Variants in LHCGR observed in about 807,000 individuals in gnomAD.
LHCGR encodes lutropin-choriogonadotropic hormone receptor.
Under a neutral mutation model 60.7 loss-of-function variants are expected in LHCGR, and 55 were observed. The observed-to-expected ratio is 0.91, with a 90% CI of 0.73 to 1.13. The LOEUF (loss-of-function observed/expected upper bound fraction) is 1.13. Among genes scored for constraint, LHCGR ranks in the 50% most tolerant of loss-of-function variants. LHCGR has a pLI of 0.00. For synonymous variants in LHCGR, 337 were observed against 316.5 expected (o/e 1.06, Z -0.69); for missense variants, 862 against 836.0 (o/e 1.03, Z -0.38).
At position 48,709,019 on chromosome 2, in the gene LHCGR, C is replaced by A. The variant is rs751799527; in HGVS notation, c.609G>T (p.Glu203Asp). 1.1e-5 allele frequency: 18 copies of A among 1,613,894 alleles called. No individual in the cohort carries two copies. Among genetic ancestry groups the A allele is most frequent in the Admixed American group, 3.3e-5 (2 of 60,034 alleles). ...AFNGTTLTSL[E>D]LKENVHLEKM... ...TCTCCAGATGTACGTTTTCCTTTAGCTCCCTGTGGGGAAGGATATTGCCCT... is the reference window on the plus strand; with the variant it reads ...TCTCCAGATGTACGTTTTCCTTTAGATCCCTGTGGGGAAGGATATTGCCCT... Residue 203 changes from glutamate to aspartate, a missense_variant, in exon 8 of 11, where the codon GAG (glutamate) becomes GAT (aspartate). By Grantham distance (45) the Glu-to-Asp change is conservative (BLOSUM62 2). Coordinates refer to ENST00000294954, the MANE Select transcript of LHCGR (RefSeq NM_000233.4).
chr2:48,728,829 C>T (rs1210937727), intron 3 of LHCGR, among the ~76,000 whole-genome samples: 1 of 152,110 alleles, frequency 6.6e-6, no homozygotes, highest in Non-Finnish European at 1.5e-5. Flanking sequence ...AAGCTCTTTT[C>T]CAAATTTTCC....
chr2:48,717,652 A>G (rs995860227), intron 6 of LHCGR, among the ~76,000 whole-genome samples: 2 of 151,924 alleles, frequency 1.3e-5, no homozygotes, highest in African/African-American at 2.4e-5. Context: ...AAATACAAGC[A>G]TTTTGTTTAA....
At chr2:48,742,422 A>T (rs1457486850) in intron 1 of LHCGR, among the ~76,000 whole-genome samples, 4 of 150,710 alleles carry the variant, frequency 2.7e-5, no homozygotes, top group Non-Finnish European at 5.9e-5. Context: ...CCTATTCCAA[A>T]ATTGACCACA....
chr2:48,722,092 G>A (rs1171522133), intron 6 of LHCGR, among the ~76,000 whole-genome samples: 4 of 152,212 alleles, frequency 2.6e-5, no homozygotes, highest in Admixed American at 2.0e-4. Flanking sequence ...AGAGGTTGCA[G>A]TGAGCCAAGA....
At chr2:48,723,911 A>G (rs1668610994) in intron 4 of LHCGR, among the ~76,000 whole-genome samples, 1 of 152,226 alleles carries the variant, frequency 6.6e-6, no homozygotes, top group Non-Finnish European at 1.5e-5. Context: ...AAGATGCTTT[A>G]ATGACTGCTA....
intron 1 of LHCGR, among the ~76,000 whole-genome samples, chr2:48,733,512 A>G (rs569968184): frequency 6.6e-6 from 1 of 152,318 alleles, no homozygotes; most frequent in East Asian, 1.9e-4. Flanking sequence ...GTTGATGTTG[A>G]TGCTGCAGAG....
intron 1 of LHCGR, among the ~76,000 whole-genome samples, chr2:48,746,458 A>T (rs1410015687): frequency 2.0e-5 from 3 of 152,202 alleles, no homozygotes; most frequent in Admixed American, 2.0e-4. Context: ...TTTCAACTCT[A>T]GAGAGCCACT....
chr2:48,745,095 G>GTACT (rs1669637953), intron 1 of LHCGR, among the ~76,000 whole-genome samples: 1 of 151,942 alleles, frequency 6.6e-6, no homozygotes, highest in South Asian at 2.1e-4. Context: ...ACATGAAAAA[G>GTACT]TGCTCACCAT....
intron 1 of LHCGR, among the ~76,000 whole-genome samples, chr2:48,752,426 A>C (rs1474119568): frequency 6.6e-6 from 1 of 152,196 alleles, no homozygotes; most frequent in East Asian, 1.9e-4. Flanking sequence ...AACCCTGAGA[A>C]CTTGGAGTGC....
chr2:48,746,417 G>T (rs559696816), intron 1 of LHCGR, among the ~76,000 whole-genome samples: 2 of 152,282 alleles, frequency 1.3e-5, no homozygotes, highest in African/African-American at 4.8e-5. Context: ...GCCTTTTTAA[G>T]AAGTGATAAA....
In LHCGR at chr2:48,686,874, A is replaced by T. The variant is rs1289626832; in HGVS notation, c.*823T>A. 1 of 152,214 alleles carries T rather than the reference A, an allele frequency of 6.6e-6. No individual in the cohort carries two copies. Among genetic ancestry groups the T allele is most frequent in the Non-Finnish European group, 1.5e-5 (1 of 68,022 alleles). 9.4% of individuals were successfully genotyped at this position (152,214 alleles called of 1,614,324 possible). ...TGTTTCATAACTTCAGAGTAATTCT[A>T]ACTCAGCACATTTGTAGTGTACCAT... On this transcript the variant is annotated 3_prime_UTR_variant, in exon 11 of 11. Transcript: ENST00000294954.
intron 1 of LHCGR, among the ~76,000 whole-genome samples, chr2:48,736,945 T>C (rs1046708400): frequency 6.6e-6 from 1 of 152,170 alleles, no homozygotes; most frequent in Non-Finnish European, 1.5e-5. Flanking sequence ...ATTATAACTG[T>C]AGGTTTCTCA....
chr2:48,751,013 C>T (rs565167961), intron 1 of LHCGR, among the ~76,000 whole-genome samples: 30 of 152,182 alleles, frequency 2.0e-4, no homozygotes, highest in African/African-American at 6.5e-4. Flanking sequence ...AGAAGAGGCA[C>T]ATGTTGAACA....
At chr2:48,725,863 AGGC>A (rs1668696113) in intron 3 of LHCGR, 113 bp from the exon 4 acceptor site, 1 of 825,872 alleles carries the variant, frequency 1.2e-6, no homozygotes, top group African/African-American at 1.7e-5. Context: ...CAGCAAAAGC[AGGC>A]GACCTTCATA....
chr2:48,730,228 CTT>C (rs926956595), intron 2 of LHCGR, among the ~76,000 whole-genome samples: 1 of 152,186 alleles, frequency 6.6e-6, no homozygotes, highest in African/African-American at 2.4e-5. Flanking sequence ...GCTGATTCAT[CTT>C]ATTCCTACCT....
Position 48,688,096 on chromosome 2 carries a change from A to C in LHCGR, c.1701T>G (p.Ile567Met). ...ELMATNKDTK[I>M]AKKMAILIFT... ...AGATGAGGATTGCCATTTTCTTAGC[A>C]ATCTTTGTATCTTTATTGGTAGCCA... is the stretch of plus-strand genomic sequence containing the variant. The change falls in exon 11 of 11, where the codon ATT (isoleucine) becomes ATG (methionine). Residue 567 changes from isoleucine to methionine, a missense_variant. Coordinates refer to ENST00000294954, the MANE Select transcript of LHCGR (RefSeq NM_000233.4). The surrounding 1 kb of genome is among the most constrained non-coding windows in gnomAD (Gnocchi z 5.2). 2 of 1,614,162 alleles carry C rather than the reference A, an allele frequency of 1.2e-6. No homozygotes were observed. The highest frequency in any genetic ancestry group is 1.7e-6 in the Non-Finnish European group (2 of 1,180,024).
intron 3 of LHCGR, among the ~76,000 whole-genome samples, chr2:48,726,028 C>G (rs931901271): frequency 3.3e-5 from 5 of 152,130 alleles, no homozygotes; most frequent in African/African-American, 1.2e-4. Context: ...CACCCCTCTC[C>G]CCCACCACAG....
chr2:48,724,384 C>T (rs899821730), intron 4 of LHCGR, among the ~76,000 whole-genome samples: 1 of 152,148 alleles, frequency 6.6e-6, no homozygotes, highest in Non-Finnish European at 1.5e-5. Context: ...TCTGGATTTC[C>T]CCACTGGAGT....
chr2:48,710,245 G>T (rs1667913543), intron 7 of LHCGR, among the ~76,000 whole-genome samples: 1 of 152,138 alleles, frequency 6.6e-6, no homozygotes, highest in Non-Finnish European at 1.5e-5. Flanking sequence ...CTTTCAAAGA[G>T]ATGAGATTGT....
Sources: gnomAD v4.1 joint callset for allele counts (sites outside exome capture counted in the v4.1 genomes callset) on GRCh38, gnomAD v4.1.1 for gene constraint, Gnocchi (gnomAD v3.1) non-coding constraint, MANE v1.5 for transcripts, NCBI Gene and HGNC (gene_info 2026-07-23, HGNC 2026-07-21) for gene names.